Variants in NWD1 observed in about 807,000 individuals in gnomAD.
NWD1 encodes NACHT and WD repeat domain containing 1.
NWD1 carries 129 observed loss-of-function variants against 135.1 expected under a neutral mutation model. The ratio of observed to expected loss-of-function variants is 0.96; its 90% confidence interval spans 0.83 to 1.11. The LOEUF is 1.11. Among genes scored for constraint, NWD1 ranks in the 50% least tolerant of loss-of-function variants. NWD1 has a pLI of 0.00. For missense variants in NWD1, 1,740 were observed against 1,851.3 expected, an observed-to-expected ratio of 0.94 and a Z score of 1.10; for synonymous variants, 773 against 786.0, an observed-to-expected ratio of 0.98 and a Z score of 0.28.
Position 16,728,747 on chromosome 19 carries a change from A to C in NWD1, c.-6-2445A>C, listed in dbSNP as rs374157106. Among the ~76,000 whole-genome samples, 41 of 147,496 alleles carry C rather than the reference A, an allele frequency of 2.8e-4. No homozygotes were observed. In the East Asian group the frequency reaches 7.8e-3, roughly 28 times the overall value. Reference sequence around the variant, plus strand: ...ATCACGAGGTCAGGAGATTGAGACCATCCTGGCTAACACAGTGAAACCCTG... The same window carrying C: ...ATCACGAGGTCAGGAGATTGAGACCCTCCTGGCTAACACAGTGAAACCCTG... On this transcript the variant is annotated intron_variant, in intron 2 of 18. Transcript: ENST00000524140.
intron 10 of NWD1, among the ~76,000 whole-genome samples, chr19:16,767,440 C>G (rs951946641): frequency 6.6e-6 from 1 of 152,074 alleles, no homozygotes; most frequent in East Asian, 1.9e-4. Flanking sequence ...CATGGTGAAA[C>G]CCCAGCTCTA....
intron 3 of NWD1, 61 bp from the exon 4 acceptor site, chr19:16,736,573 T>C (rs955239275): frequency 1.9e-6 from 2 of 1,067,602 alleles, no homozygotes; most frequent in Non-Finnish European, 2.8e-6. Context: ...TCAAAAGGGA[T>C]TGAAAAAACA....
At chr19:16,754,146 C>T (rs556928013) in intron 6 of NWD1, among the ~76,000 whole-genome samples, 113 of 151,238 alleles carry the variant, frequency 7.5e-4, no homozygotes, top group African/African-American at 1.9e-3. Context: ...TTCATCCATC[C>T]GTCCATCATC....
intron 10 of NWD1, among the ~76,000 whole-genome samples, chr19:16,768,053 ACGAT>A (rs1478349524): frequency 4.7e-5 from 6 of 128,778 alleles, no homozygotes; most frequent in African/African-American, 1.5e-4. Context: ...GTGCAGTGGC[ACGAT>A]CTCAGCTCAC....
In NWD1 at chr19:16,807,824, G is replaced by C; in HGVS notation, c.3975G>C (p.Leu1325=). The change falls in exon 18 of 19, where the codon CTG becomes CTC. Residue 1325 remains leucine, a synonymous_variant. Coordinates refer to ENST00000524140, the MANE Select transcript of NWD1 (RefSeq NM_001007525.5). The stretch of plus-strand genomic sequence containing the variant: ...CCTATGACAACATCGTCCTGGTGCT[G>C]GACATCACCTCCGGGGACCCCTGCC... The part of the protein sequence containing the change: ...AIAYDNIVLV[L]DITSGDPCPV... 6.2e-7 allele frequency: 1 copy of C among 1,614,144 alleles called. No individual in the cohort carries two copies. Among genetic ancestry groups the C allele is most frequent in the Non-Finnish European group, 8.5e-7 (1 of 1,180,022 alleles).
chr19:16,790,369 TTGG>T (rs1487701174), intron 13 of NWD1, among the ~76,000 whole-genome samples: 1 of 152,012 alleles, frequency 6.6e-6, no homozygotes, highest in Non-Finnish European at 1.5e-5. Flanking sequence ...ACATAAGTAA[TTGG>T]TGGTTGTTGA....
At chr19:16,736,983 A>G (rs1274582474) in intron 4 of NWD1, among the ~76,000 whole-genome samples, 1 of 152,188 alleles carries the variant, frequency 6.6e-6, no homozygotes, top group African/African-American at 2.4e-5. Context: ...GGAGAGTAGA[A>G]TGTTGAAGCC....
chr19:16,754,269 A>T (rs1351216048), intron 6 of NWD1, among the ~76,000 whole-genome samples: 2 of 129,154 alleles, frequency 1.5e-5, no homozygotes, highest in Non-Finnish European at 3.3e-5. Context: ...TCTATCCATC[A>T]TCTCTATATT....
chr19:16,744,464 G>A lies in NWD1; in HGVS notation c.242G>A (p.Arg81Gln), dbSNP rs529246893. The change falls in exon 5 of 19, where the codon CGG becomes CAG. Residue 81 changes from arginine (R) to glutamine (Q), a missense_variant. Coordinates refer to ENST00000524140, the MANE Select transcript of NWD1 (RefSeq NM_001007525.5). ...DQYGPCLIPSRIDEKEWEVLR... is the reference protein window; with the variant it reads ...DQYGPCLIPSQIDEKEWEVLR... ...TACGGCCCCTGTCTGATTCCCTCGCGGATCGATGAGAAGGAGTGGGAGGTA... is the reference window on the plus strand; with the variant it reads ...TACGGCCCCTGTCTGATTCCCTCGCAGATCGATGAGAAGGAGTGGGAGGTA... 38 of 1,535,714 alleles carry A rather than the reference G, an allele frequency of 2.5e-5. No homozygotes were observed. Among genetic ancestry groups the A allele is most frequent in the South Asian group, 4.8e-5 (4 of 84,052 alleles).
chr19:16,729,577 T>TAAAAAAAAAAAA (rs537329853), intron 2 of NWD1, among the ~76,000 whole-genome samples: 2 of 125,052 alleles, frequency 1.6e-5, no homozygotes, highest in African/African-American at 3.0e-5. Flanking sequence ...TTACAAAAAG[T>TAAAAAAAAAAAA]AAAAAAAAAA....
At chr19:16,756,861 C>T (rs188800950) in intron 6 of NWD1, among the ~76,000 whole-genome samples, 2 of 152,236 alleles carry the variant, frequency 1.3e-5, no homozygotes, top group Admixed American at 1.3e-4. Flanking sequence ...CCCGAGCTCC[C>T]CCTCTTGTCA....
intron 11 of NWD1, among the ~76,000 whole-genome samples, chr19:16,777,006 G>A (rs1425383883): frequency 9.4e-6 from 1 of 106,656 alleles, no homozygotes; most frequent in African/African-American, 3.7e-5. Flanking sequence ...GGAAAGGAGA[G>A]GGAAGAGGGA....
chr19:16,738,165 G>A (rs942463965), intron 4 of NWD1: 72 of 440,510 alleles, frequency 1.6e-4, no homozygotes, highest in African/African-American at 6.3e-4. Flanking sequence ...GAGTTTAGTC[G>A]TTCTGACAGA....
intron 12 of NWD1, among the ~76,000 whole-genome samples, chr19:16,780,120 G>A (rs897015286): frequency 4.0e-5 from 6 of 151,202 alleles, no homozygotes; most frequent in Non-Finnish European, 7.4e-5. Context: ...ATCATTCAGC[G>A]TCCTTCAGGT....
rs1245363099 is a variant in NWD1 at position 16,759,215 on chromosome 19, C to G, written c.1770-10C>G. The stretch of plus-strand genomic sequence containing the variant: ...GATGTGCCTCAAAGCCCCACTGGTC[C>G]TCCCTTCAGACACGGTCTCTCGGAG... On this transcript the variant is annotated splice_polypyrimidine_tract_variant and intron_variant, in intron 6 of 18. Coordinates refer to ENST00000524140, the MANE Select transcript of NWD1 (RefSeq NM_001007525.5). 1.2e-6 allele frequency: 2 copies of G among 1,611,194 alleles called. No homozygotes were observed. Among genetic ancestry groups the G allele is most frequent in the Non-Finnish European group, 1.7e-6 (2 of 1,177,602 alleles).
chr19:16,796,055 C>T (rs1284334561), intron 15 of NWD1, among the ~76,000 whole-genome samples: 1 of 152,158 alleles, frequency 6.6e-6, no homozygotes, highest in Non-Finnish European at 1.5e-5. Context: ...GGTCATCTCT[C>T]TCAGTGTGGC....
At chr19:16,809,050 G>A (rs1970841126) in intron 18 of NWD1, among the ~76,000 whole-genome samples, 1 of 152,040 alleles carries the variant, frequency 6.6e-6, no homozygotes, top group Non-Finnish European at 1.5e-5. Context: ...AGCAAGGCCT[G>A]TCTCAAGAAA....
chr19:16,800,278 A>G, intron 17 of NWD1, 116 bp downstream of exon 17: 1 of 1,089,176 alleles, frequency 9.2e-7, no homozygotes, highest in Non-Finnish European at 1.3e-6. Flanking sequence ...TCACGCCTGT[A>G]ATCCCAGGAC....
At chr19:16,738,312 T>C (rs570900696) in intron 4 of NWD1, 111 of 403,508 alleles carry the variant, frequency 2.8e-4, no homozygotes, top group Non-Finnish European at 4.9e-4. Context: ...CTCACTCCTG[T>C]AATCTCTGCA....
Sources: gnomAD v4.1 joint callset for allele counts (sites outside exome capture counted in the v4.1 genomes callset) on GRCh38, gnomAD v4.1.1 for gene constraint, MANE v1.5 for transcripts, NCBI Gene and HGNC (gene_info 2026-07-23, HGNC 2026-07-21) for gene names.